EPHA6: variants seen among roughly 807,000 people sequenced by gnomAD.
EPHA6 encodes the protein ephrin type-A receptor 6.
EPHA6 carries 50 observed loss-of-function variants against 112.0 expected under a neutral mutation model. That is an observed-to-expected ratio of 0.45 (90% CI 0.36 to 0.56). EPHA6 has a LOEUF of 0.56. Among genes scored for constraint, EPHA6 ranks in the 20% least tolerant of loss-of-function variants. The probability of loss-of-function intolerance (pLI) is 0.00; values close to 1 mark genes in which losing one functional copy is unlikely to be tolerated. For missense variants in EPHA6, 1,280 were observed against 1,417.4 expected, an observed-to-expected ratio of 0.90 and a Z score of 1.56; for synonymous variants, 529 against 490.7, an observed-to-expected ratio of 1.08 and a Z score of -1.03.
chr3:96,853,384 A>G (rs2035510739), intron 1 of EPHA6, among the ~76,000 whole-genome samples: 1 of 152,100 alleles, frequency 6.6e-6, no homozygotes, highest in Non-Finnish European at 1.5e-5. Context: ...CAAAGATGTT[A>G]TAGCCACAAC....
chr3:96,823,068 C>A (rs1398533751), intron 1 of EPHA6, among the ~76,000 whole-genome samples: 2 of 151,524 alleles, frequency 1.3e-5, no homozygotes, highest in Admixed American at 6.6e-5. Flanking sequence ...TGATTGCCCC[C>A]AAATTTGAGT....
chr3:97,236,733 A>G (rs767182437), intron 4 of EPHA6, among the ~76,000 whole-genome samples: 1 of 152,118 alleles, frequency 6.6e-6, no homozygotes. Context: ...TTGAATTTAC[A>G]TTTGCTCTAA....
rs142505183 is a variant in EPHA6 at position 97,378,870 on chromosome 3, C to T, written c.1607-26280C>T. ...TTTACAGGCTGATGGGCAGAAGGGA[C>T]TTGCCTTGTCTCAGATAAGATTTTG... On this transcript the variant is annotated intron_variant, in intron 5 of 17. Coordinates refer to ENST00000389672, the MANE Select transcript of EPHA6 (RefSeq NM_001080448.3). 4.1e-3 allele frequency among the ~76,000 whole-genome samples: 617 copies of T among 152,208 alleles called. 6 individuals are homozygous for T. Among genetic ancestry groups the T allele is most frequent in the African/African-American group, 0.014 (584 of 41,538 alleles).
At chr3:97,398,348 A>G (rs2109094141) in intron 5 of EPHA6, among the ~76,000 whole-genome samples, 1 of 151,624 alleles carries the variant, frequency 6.6e-6, no homozygotes, top group South Asian at 2.1e-4. Context: ...TTCCCTTTAA[A>G]GTTATAATTT....
At chr3:97,450,448 T>G (rs1560022510) in intron 7 of EPHA6, among the ~76,000 whole-genome samples, 2 of 152,114 alleles carry the variant, frequency 1.3e-5, no homozygotes, top group Admixed American at 6.6e-5. Context: ...TGTTGAGTAT[T>G]GCATTTTTAA....
chr3:97,185,543 G>T (rs2077102832), intron 3 of EPHA6, among the ~76,000 whole-genome samples: 1 of 151,846 alleles, frequency 6.6e-6, no homozygotes, highest in African/African-American at 2.4e-5. Flanking sequence ...GAATGGTGAT[G>T]ATCAAAAAGT....
chr3:97,615,979 G>A (rs2093762622), intron 13 of EPHA6, among the ~76,000 whole-genome samples: 1 of 152,174 alleles, frequency 6.6e-6, no homozygotes, highest in African/African-American at 2.4e-5. Flanking sequence ...AAAGTGACTA[G>A]ACTGCTTCTT....
intron 3 of EPHA6, among the ~76,000 whole-genome samples, chr3:97,035,764 T>G (rs1305546468): frequency 6.6e-6 from 1 of 152,010 alleles, no homozygotes; most frequent in Non-Finnish European, 1.5e-5. Context: ...TCATTTATAA[T>G]GTATCTGAAT....
chr3:97,499,054 C>A (rs982163390), intron 10 of EPHA6, among the ~76,000 whole-genome samples: 3 of 151,972 alleles, frequency 2.0e-5, no homozygotes, highest in Non-Finnish European at 2.9e-5. Flanking sequence ...AGCTTTAAGT[C>A]AAAATAATGT....
intron 10 of EPHA6, among the ~76,000 whole-genome samples, chr3:97,495,341 G>A (rs773898456): frequency 6.6e-5 from 10 of 150,734 alleles, no homozygotes; most frequent in Non-Finnish European, 1.5e-4. Context: ...GTTGAAAATG[G>A]TCTAGATATG....
intron 16 of EPHA6, among the ~76,000 whole-genome samples, chr3:97,738,890 G>A (rs2035384208): frequency 6.6e-6 from 1 of 151,952 alleles, no homozygotes; most frequent in African/African-American, 2.4e-5. Flanking sequence ...GTGTTCTAAG[G>A]TTCACATGCC....
chr3:96,984,094 G>A (rs904200401), intron 2 of EPHA6, among the ~76,000 whole-genome samples: 4 of 152,308 alleles, frequency 2.6e-5, no homozygotes, highest in Admixed American at 1.3e-4. Flanking sequence ...CGTTGCTGGC[G>A]AGGAACTGCA....
At chr3:97,239,306 T>A (rs2108571861) in intron 4 of EPHA6, among the ~76,000 whole-genome samples, 1 of 151,984 alleles carries the variant, frequency 6.6e-6, no homozygotes, top group South Asian at 2.1e-4. Context: ...TGAAAATGTG[T>A]ATTTGACAAT....
rs577155888 is a variant in EPHA6, at chr3:97,291,761, A to G, written c.1606+47474A>G. The stretch of plus-strand genomic sequence containing the variant: ...CTTGTTGTATTGATCCCTTTATTCT[A>G]TAATGACCTTGTCTCTTTTTACTGC... On this transcript the variant is annotated intron_variant, in intron 5 of 17. Transcript: ENST00000389672. 1.0e-3 allele frequency among the ~76,000 whole-genome samples: 153 copies of G among 152,190 alleles called. 1 individual carries two copies. Among genetic ancestry groups the G allele is most frequent in the Non-Finnish European group, 1.6e-3 (112 of 68,038 alleles).
At chr3:97,025,128 G>C (rs933693244) in intron 3 of EPHA6, among the ~76,000 whole-genome samples, 1 of 152,124 alleles carries the variant, frequency 6.6e-6, no homozygotes, top group Non-Finnish European at 1.5e-5. Flanking sequence ...AGGAGAGAGA[G>C]CAATACCTAT....
chr3:96,927,264 G>T lies in EPHA6; in HGVS notation c.451-60066G>T, dbSNP rs112570435. ...GCTGCACAAAGCAGCTGAGCCCTGG[G>T]CCTGGCCCAGGAAACCATTTTTCCC... On this transcript the variant is annotated intron_variant, in intron 2 of 17. Transcript: ENST00000389672. Among the ~76,000 whole-genome samples, 9 of 152,290 alleles carry T rather than the reference G, an allele frequency of 5.9e-5. No individual in the cohort carries two copies. The East Asian group carries it at 1.7e-3, about 30-fold the overall frequency.
chr3:97,143,260 A>G (rs1576564119), intron 3 of EPHA6, among the ~76,000 whole-genome samples: 2 of 151,484 alleles, frequency 1.3e-5, no homozygotes, highest in Admixed American at 6.6e-5. Flanking sequence ...GGCACCTAGA[A>G]CCCCAAACTT....
At chr3:96,822,495 C>T (rs2107225944) in intron 1 of EPHA6, among the ~76,000 whole-genome samples, 1 of 151,848 alleles carries the variant, frequency 6.6e-6, no homozygotes, top group Middle Eastern at 3.4e-3. Context: ...ATTGACAACT[C>T]ATTATGCTTC....
At chr3:97,746,181 A>G (rs2035708121) in intron 16 of EPHA6, among the ~76,000 whole-genome samples, 1 of 151,918 alleles carries the variant, frequency 6.6e-6, no homozygotes, top group Non-Finnish European at 1.5e-5. Flanking sequence ...TAACTTCAAT[A>G]TTCCAATAAA....
Sources: gnomAD v4.1 joint callset for allele counts (sites outside exome capture counted in the v4.1 genomes callset) on GRCh38, gnomAD v4.1.1 for gene constraint, MANE v1.5 for transcripts, NCBI Gene and HGNC (gene_info 2026-07-23, HGNC 2026-07-21) for gene names.